Variants in LARGE1 observed in about 807,000 individuals in gnomAD.
The protein encoded by LARGE1 is xylosyl- and glucuronyltransferase LARGE1.
LARGE1 carries 43 observed loss-of-function variants against 87.6 expected under a neutral mutation model. That is an observed-to-expected ratio of 0.49 (90% confidence interval 0.38 to 0.63). The LOEUF is 0.63. Among genes scored for constraint, LARGE1 ranks in the 30% least tolerant of loss-of-function variants. LARGE1 has a pLI of 0.00. For synonymous variants in LARGE1, 434 were observed against 394.6 expected, an observed-to-expected ratio of 1.10 and a Z score of -1.18; for missense variants, 802 against 1,000.2, an observed-to-expected ratio of 0.80 and a Z score of 2.67.
chr22:33,104,297 C>A, the LARGE1 span, among the ~76,000 whole-genome samples: 3 of 152,140 alleles, frequency 2.0e-5, no homozygotes, highest in Non-Finnish European at 4.4e-5. Flanking sequence ...CAACACAGAG[C>A]AAGAGTAAAG....
chr22:33,233,472 C>T (rs1004822254), intron 11 of LARGE1, among the ~76,000 whole-genome samples: 2 of 152,140 alleles, frequency 1.3e-5, no homozygotes, highest in African/African-American at 4.8e-5. Flanking sequence ...CACCCCATTC[C>T]TTCTTTACTT....
At chr22:33,571,650 G>T (rs1265653047) in intron 5 of LARGE1, among the ~76,000 whole-genome samples, 1 of 152,150 alleles carries the variant, frequency 6.6e-6, no homozygotes, top group East Asian at 1.9e-4. Flanking sequence ...TGCCTAGCAC[G>T]TGCTGGGTGT....
At chr22:33,398,178 G>T (rs909228766) in intron 7 of LARGE1, among the ~76,000 whole-genome samples, 25 of 151,760 alleles carry the variant, frequency 1.6e-4, no homozygotes, top group African/African-American at 5.8e-4. Context: ...GATGCCTGCT[G>T]CCTACTTTGC....
chr22:33,144,531 T>C, the LARGE1 span, among the ~76,000 whole-genome samples: 1 of 152,128 alleles, frequency 6.6e-6, no homozygotes, highest in Non-Finnish European at 1.5e-5. Flanking sequence ...AATAACAGAT[T>C]CAGTGCTGTC....
chr22:33,118,460 C>A, the LARGE1 span, among the ~76,000 whole-genome samples: 1 of 150,790 alleles, frequency 6.6e-6, no homozygotes, highest in Admixed American at 6.6e-5. Flanking sequence ...CCACTGCACT[C>A]CAGCCTGGGT....
intron 9 of LARGE1, among the ~76,000 whole-genome samples, chr22:33,357,725 C>G (rs1482640121): frequency 6.6e-6 from 1 of 151,212 alleles, no homozygotes; most frequent in Non-Finnish European, 1.5e-5. Flanking sequence ...ACCCGGGAGG[C>G]AGAGGTTGAG....
chr22:33,389,880 AACCAACCAAC>A (rs1394811464), intron 7 of LARGE1, among the ~76,000 whole-genome samples: 16 of 151,480 alleles, frequency 1.1e-4, no homozygotes, highest in South Asian at 2.1e-4. Flanking sequence ...CCAACCAACC[AACCAACCAAC>A]CAAACAAAAA....
At chr22:33,671,673 C>T (rs567340777) in intron 2 of LARGE1, among the ~76,000 whole-genome samples, 2 of 152,342 alleles carry the variant, frequency 1.3e-5, no homozygotes, top group South Asian at 4.1e-4. Flanking sequence ...GCAATATGTT[C>T]AGCATGCAGA....
At chr22:33,593,838 T>C (rs549437644) in intron 5 of LARGE1, among the ~76,000 whole-genome samples, 4 of 152,350 alleles carry the variant, frequency 2.6e-5, no homozygotes, top group East Asian at 1.9e-4. Context: ...AGAATGTGAC[T>C]ACTGGAAAAT....
intron 5 of LARGE1, among the ~76,000 whole-genome samples, chr22:33,579,086 T>C (rs914310457): frequency 1.3e-5 from 2 of 152,190 alleles, no homozygotes; most frequent in African/African-American, 4.8e-5. Flanking sequence ...TTCTGTACTT[T>C]AGAGTGTGTG....
At chr22:33,520,263 G>A (rs550690340) in intron 6 of LARGE1, among the ~76,000 whole-genome samples, 29 of 151,912 alleles carry the variant, frequency 1.9e-4, no homozygotes, top group Non-Finnish European at 2.9e-4. Flanking sequence ...CTGTACTGAT[G>A]GGGGGTCTCA....
At chr22:33,187,325 T>G (rs1923527323) in intron 11 of LARGE1, among the ~76,000 whole-genome samples, 1 of 152,162 alleles carries the variant, frequency 6.6e-6, no homozygotes, top group Non-Finnish European at 1.5e-5. Flanking sequence ...AAGAAGGAAA[T>G]CCTGTCATTT....
At chr22:33,356,608 T>C (rs916973096) in intron 9 of LARGE1, among the ~76,000 whole-genome samples, 3 of 151,990 alleles carry the variant, frequency 2.0e-5, no homozygotes, top group African/African-American at 7.2e-5. Flanking sequence ...CCATCTCTAC[T>C]AAAAATACAA....
chr22:33,907,488 G>A (rs1441783308), intron 1 of LARGE1, among the ~76,000 whole-genome samples: 2 of 152,084 alleles, frequency 1.3e-5, no homozygotes, highest in African/African-American at 4.8e-5. Flanking sequence ...AAACATAAAA[G>A]GTACAAGGTT....
At chr22:33,084,986 G>A in the LARGE1 span, among the ~76,000 whole-genome samples, 3 of 152,060 alleles carry the variant, frequency 2.0e-5, no homozygotes, top group African/African-American at 4.8e-5. Context: ...CTCAAAAACA[G>A]TAGAATTGGC....
At chr22:33,469,953 G>T (rs569211768) in intron 6 of LARGE1, among the ~76,000 whole-genome samples, 21 of 140,254 alleles carry the variant, frequency 1.5e-4, no homozygotes, top group Non-Finnish European at 2.4e-4. Context: ...GCAGTGGTGC[G>T]ATCTTGGCTC....
the LARGE1 span, among the ~76,000 whole-genome samples, chr22:33,072,642 C>A: frequency 2.6e-5 from 4 of 152,046 alleles, no homozygotes; most frequent in African/African-American, 9.7e-5. Flanking sequence ...AAAAATATTC[C>A]GTGGAGATAC....
chr22:33,669,512 C>T (rs192905994), intron 2 of LARGE1, among the ~76,000 whole-genome samples: 1 of 152,320 alleles, frequency 6.6e-6, no homozygotes, highest in African/African-American at 2.4e-5. Flanking sequence ...TTCTTTTGGT[C>T]TGGAGGAGGA....
rs551642931 is a variant in LARGE1 at position 33,514,791 on chromosome 22, G to A, written c.787+50057C>T. Among the ~76,000 whole-genome samples the A allele has an allele frequency of 3.4e-4, 52 of 152,270 alleles. 2 individuals carry two copies. The highest frequency in any genetic ancestry group is 2.5e-3 in the South Asian group (12 of 4,824). On this transcript the variant is annotated intron_variant, in intron 6 of 14. Transcript: ENST00000397394. The stretch of plus-strand genomic sequence containing the variant: ...TCACGAGTTTCAGTCCTATTAAAGT[G>A]AGTCAGAAACACGGACCTATAAAGG...
Sources: gnomAD v4.1 joint callset for allele counts (sites outside exome capture counted in the v4.1 genomes callset) on GRCh38, gnomAD v4.1.1 for gene constraint, MANE v1.5 for transcripts, NCBI Gene and HGNC (gene_info 2026-07-23, HGNC 2026-07-21) for gene names.